PLGRKT: variants seen among roughly 807,000 people sequenced by gnomAD.
PLGRKT encodes plasminogen receptor (KT).
In PLGRKT, 22 loss-of-function variants were observed where a neutral mutation model predicts 18.5. The observed-to-expected ratio is 1.19, with a 90% CI of 0.85 to 1.70. The LOEUF (loss-of-function observed/expected upper bound fraction) is 1.70, where lower values mean the gene tolerates loss of function less well. Ranked by LOEUF, PLGRKT falls within the 40% of genes most tolerant of loss-of-function variation. PLGRKT has a pLI of 0.00. For missense variants in PLGRKT, 235 were observed against 174.4 expected, an observed-to-expected ratio of 1.35 and a Z score of -1.96; for synonymous variants, 72 against 52.8, an observed-to-expected ratio of 1.36 and a Z score of -1.58.
intron 3 of PLGRKT, among the ~76,000 whole-genome samples, chr9:5,398,433 C>T (rs923930338): frequency 6.6e-6 from 1 of 151,998 alleles, no homozygotes; most frequent in Non-Finnish European, 1.5e-5. Flanking sequence ...CCAAGTGACA[C>T]AAGGTTTTGC....
chr9:5,365,579 G>C (rs1817367948), intron 3 of PLGRKT, among the ~76,000 whole-genome samples: 1 of 152,164 alleles, frequency 6.6e-6, no homozygotes, highest in South Asian at 2.1e-4. Flanking sequence ...AGAAGCTAAA[G>C]AGACAAGAAG....
chr9:5,408,906 G>C (rs1344375520), intron 3 of PLGRKT, among the ~76,000 whole-genome samples: 1 of 152,230 alleles, frequency 6.6e-6, no homozygotes, highest in Admixed American at 6.5e-5. Flanking sequence ...TACAGCTCTG[G>C]TCACTGCTTC....
chr9:5,369,040 G>C (rs1023659719), intron 3 of PLGRKT, among the ~76,000 whole-genome samples: 1 of 152,150 alleles, frequency 6.6e-6, no homozygotes. Flanking sequence ...TCAGGACATA[G>C]GCATGGGCAA....
At chr9:5,435,079 T>C (rs10975116) in intron 2 of PLGRKT, among the ~76,000 whole-genome samples, 100,768 of 150,596 alleles carry the variant, frequency 0.67, 33,873 homozygotes, top group Non-Finnish European at 0.7. Flanking sequence ...GGATTAAGGG[T>C]GGTGCAAGAT....
chr9:5,386,886 G>T (rs1035911024), intron 3 of PLGRKT, among the ~76,000 whole-genome samples: 4 of 151,934 alleles, frequency 2.6e-5, no homozygotes, highest in Admixed American at 6.5e-5. Flanking sequence ...ACCAGGTCTT[G>T]CCCAGACAAC....
chr9:5,389,747 G>A (rs895309124), intron 3 of PLGRKT, among the ~76,000 whole-genome samples: 4 of 151,870 alleles, frequency 2.6e-5, no homozygotes, highest in Admixed American at 6.6e-5. Flanking sequence ...ATAGGAGTTT[G>A]TTAGCCTGCA....
chr9:5,385,368 T>C lies in PLGRKT; in HGVS notation c.82-23480A>G, dbSNP rs184565919. Among the ~76,000 whole-genome samples, 929 of 151,254 alleles carry C rather than the reference T, an allele frequency of 6.1e-3. 15 individuals are homozygous for C. The highest frequency in any genetic ancestry group is 0.021 in the African/African-American group (840 of 40,744). On this transcript the variant is annotated intron_variant, in intron 3 of 5. Transcript: ENST00000223864. ...TTATCCACCACACCTGGCTAATTTT[T>C]TGCATTTTTAGTAGAGACATGGTTT... is the stretch of plus-strand genomic sequence containing the variant.
In PLGRKT at chr9:5,393,941, T is replaced by A. The variant is rs533661759; in HGVS notation, c.82-32053A>T. Among the ~76,000 whole-genome samples, 93 of 151,988 alleles carry A rather than the reference T, an allele frequency of 6.1e-4. 2 individuals carry two copies. Among genetic ancestry groups the A allele is most frequent in the African/African-American group, 2.1e-3 (86 of 41,304 alleles). On this transcript the variant is annotated intron_variant, in intron 3 of 5. Coordinates refer to ENST00000223864, the MANE Select transcript of PLGRKT (RefSeq NM_018465.4). ...GAACACTAAAAACTATACCCAGATT[T>A]TTGACCATCTGGGAAGAAAAGCCTC...
At chr9:5,409,500 T>C (rs1032784970) in intron 3 of PLGRKT, among the ~76,000 whole-genome samples, 1 of 152,222 alleles carries the variant, frequency 6.6e-6, no homozygotes, top group Non-Finnish European at 1.5e-5. Flanking sequence ...TTGTGGGATC[T>C]TGTGATCGTG....
chr9:5,407,971 A>G (rs1023536885), intron 3 of PLGRKT, among the ~76,000 whole-genome samples: 4 of 152,186 alleles, frequency 2.6e-5, no homozygotes, highest in African/African-American at 4.8e-5. Context: ...TTCATTGCCT[A>G]ATCTGTATAT....
intron 3 of PLGRKT, among the ~76,000 whole-genome samples, chr9:5,424,854 G>C (rs1050862705): frequency 1.3e-5 from 2 of 150,764 alleles, no homozygotes; most frequent in Admixed American, 6.6e-5. Flanking sequence ...TTGTTTTGTA[G>C]AGATGGGGTT....
At chr9:5,406,029 T>A (rs1483882089) in intron 3 of PLGRKT, among the ~76,000 whole-genome samples, 1 of 151,998 alleles carries the variant, frequency 6.6e-6, no homozygotes, top group East Asian at 1.9e-4. Flanking sequence ...CACTGATCAC[T>A]AGAGAAATGC....
rs1159998659 is a variant in PLGRKT, at chr9:5,419,357, T to TG, written c.81+12539dup. 2.0e-5 allele frequency among the ~76,000 whole-genome samples: 3 copies of TG among 152,352 alleles called. No individual in the cohort carries two copies. In the East Asian group the frequency reaches 5.8e-4, roughly 29 times the overall value. ...ACATCAAGTGGAAATGGTACGTGTT[T>TG]GGGAGGCAAGAGCCAGGAAGCACAA... On this transcript the variant is annotated intron_variant, in intron 3 of 5. Coordinates refer to ENST00000223864, the MANE Select transcript of PLGRKT (RefSeq NM_018465.4).
intron 1 of PLGRKT, among the ~76,000 whole-genome samples, 160 bp from the exon 2 acceptor site, chr9:5,436,854 T>C (rs1023235380): frequency 1.3e-5 from 2 of 152,218 alleles, no homozygotes; most frequent in African/African-American, 4.8e-5. Context: ...CTATCTCCTC[T>C]TGCTCACAAA....
At chr9:5,398,609 T>C (rs1031044445) in intron 3 of PLGRKT, among the ~76,000 whole-genome samples, 13 of 151,764 alleles carry the variant, frequency 8.6e-5, no homozygotes, top group East Asian at 5.8e-4. Context: ...CATCCTGGCA[T>C]TTCTTCTCCA....
At chr9:5,424,097 T>C (rs1818630811) in intron 3 of PLGRKT, among the ~76,000 whole-genome samples, 1 of 143,738 alleles carries the variant, frequency 7.0e-6, no homozygotes, top group South Asian at 2.1e-4. Context: ...TAATATATAT[T>C]ATATATGTAA....
rs930691917 is a variant in PLGRKT at position 5,361,841 on chromosome 9, C to A, written c.129G>T (p.Met43Ile). Residue 43 changes from methionine to isoleucine, a missense_variant, in exon 4 of 6, where the codon ATG becomes ATT. Coordinates refer to ENST00000223864, the MANE Select transcript of PLGRKT (RefSeq NM_018465.4). ...IMQSEMRERQ[M>I]AMQIAWSREF... is the part of the protein sequence containing the mutation. ...CCCGAGACCACGCAATCTGCATGGC[C>A]ATTTGTCTTTCCCTCATTTCACTCT... 8 of 1,612,798 alleles carry A rather than the reference C, an allele frequency of 5.0e-6. No individual in the cohort carries two copies. Among genetic ancestry groups the A allele is most frequent in the African/African-American group, 1.3e-5 (1 of 74,884 alleles).
intron 3 of PLGRKT, among the ~76,000 whole-genome samples, chr9:5,385,119 A>G (rs1817817953): frequency 6.6e-6 from 1 of 152,166 alleles, no homozygotes; most frequent in Admixed American, 6.5e-5. Context: ...TCCCAGTGAT[A>G]CTGAAAGCCT....
At chr9:5,383,019 T>G (rs1817775460) in intron 3 of PLGRKT, among the ~76,000 whole-genome samples, 1 of 152,140 alleles carries the variant, frequency 6.6e-6, no homozygotes, top group African/African-American at 2.4e-5. Flanking sequence ...GGGATATAAT[T>G]AAGGATATTA....
Sources: allele counts gnomAD v4.1 joint callset (sites outside exome capture counted in the v4.1 genomes callset), GRCh38; gene constraint gnomAD v4.1.1; transcripts MANE v1.5; gene names NCBI Gene and HGNC (gene_info 2026-07-23, HGNC 2026-07-21).